The following SEL1L2 variants were observed in gnomAD, a reference collection of about 807,000 sequenced individuals.
SEL1L2 encodes SEL1L2 adaptor subunit of SYVN1 ubiquitin ligase, also known as protein sel-1 homolog 2.
A neutral mutation model predicts 98.8 loss-of-function variants in SEL1L2; 89 were observed. That is an observed-to-expected ratio of 0.90 (90% CI 0.76 to 1.07). The LOEUF is 1.07. Among genes scored for constraint, SEL1L2 ranks in the 50% least tolerant of loss-of-function variants. The pLI is 0.00. For missense variants in SEL1L2, 788 were observed against 812.0 expected (o/e 0.97, Z 0.36); for synonymous variants, 262 against 278.5 (o/e 0.94, Z 0.59).
chr20:13,955,044 T>C (rs1226149390), intron 2 of SEL1L2, among the ~76,000 whole-genome samples: 3 of 152,216 alleles, frequency 2.0e-5, no homozygotes, highest in African/African-American at 4.8e-5. Context: ...TTCCTCCATT[T>C]AGATTTAAGA....
intron 5 of SEL1L2, among the ~76,000 whole-genome samples, chr20:13,898,730 A>G (rs969094772): frequency 4.0e-5 from 6 of 149,726 alleles, no homozygotes; most frequent in Non-Finnish European, 8.9e-5. Flanking sequence ...ATGGCTTCCC[A>G]TTGTTTTTTT....
intron 1 of SEL1L2, among the ~76,000 whole-genome samples, chr20:13,987,085 C>T (rs961671839): frequency 6.0e-5 from 9 of 150,604 alleles, no homozygotes; most frequent in Middle Eastern, 3.4e-3. Context: ...CCCACCTCAG[C>T]CCCCCAAAGT....
In SEL1L2 at chr20:13,850,421, G is replaced by A. The variant is rs149782214; in HGVS notation, c.1819-102C>T. ...ATGTAATTAAGGTTACAGGTCTTAA[G>A]ATAGGGAGATTATCATGGATTATCC... On this transcript the variant is annotated intron_variant, in intron 18 of 19. Coordinates refer to ENST00000284951, the MANE Select transcript of SEL1L2 (RefSeq NM_025229.2). The A allele has an allele frequency of 1.7e-4, 221 of 1,273,480 alleles. No individual in the cohort carries two copies. The African/African-American group carries it at 2.7e-3, about 16-fold the overall frequency. 78.9% of individuals were successfully genotyped at this position (1,273,480 alleles called of 1,614,324 possible). A position where few individuals can be genotyped will look rare whatever the true frequency, so the allele number is the denominator to read the frequency against.
intron 11 of SEL1L2, 139 bp from the exon 12 acceptor site, chr20:13,876,254 TA>T (rs1452447820): frequency 1.4e-5 from 9 of 641,918 alleles, no homozygotes; most frequent in Non-Finnish European, 2.5e-5. Flanking sequence ...CTGAATTGTA[TA>T]AAGTGGTCAA....
At chr20:13,885,675 T>C (rs932951908) in intron 9 of SEL1L2, among the ~76,000 whole-genome samples, 1 of 152,094 alleles carries the variant, frequency 6.6e-6, no homozygotes, top group Non-Finnish European at 1.5e-5. Flanking sequence ...CTCTCAAAGA[T>C]CATGCAAATA....
intron 5 of SEL1L2, among the ~76,000 whole-genome samples, chr20:13,909,362 C>T (rs188882126): frequency 1.3e-4 from 20 of 152,302 alleles, no homozygotes; most frequent in Non-Finnish European, 1.8e-4. Context: ...ATCTCTTTAA[C>T]GAGCTGTTCT....
chr20:13,893,086 C>A (rs1231840196), intron 5 of SEL1L2, among the ~76,000 whole-genome samples: 1 of 152,208 alleles, frequency 6.6e-6, no homozygotes, highest in African/African-American at 2.4e-5. Flanking sequence ...CAACTGAACA[C>A]CTGGAACCAG....
intron 1 of SEL1L2, among the ~76,000 whole-genome samples, chr20:13,982,103 C>G (rs926663195): frequency 1.4e-4 from 21 of 152,292 alleles, no homozygotes; most frequent in African/African-American, 4.8e-4. Flanking sequence ...CCCTTTTCAA[C>G]TGGGATAGAG....
chr20:13,971,871 C>T (rs975373780), intron 1 of SEL1L2, among the ~76,000 whole-genome samples: 13 of 152,114 alleles, frequency 8.5e-5, no homozygotes, highest in African/African-American at 3.1e-4. Context: ...CATTTTAAAA[C>T]CTTCTTTCAG....
intron 5 of SEL1L2, among the ~76,000 whole-genome samples, chr20:13,889,647 T>A (rs901149274): frequency 1.3e-5 from 2 of 151,798 alleles, no homozygotes; most frequent in African/African-American, 4.8e-5. Flanking sequence ...AAAAATTAGC[T>A]GGGCGTGGTA....
intron 3 of SEL1L2, among the ~76,000 whole-genome samples, chr20:13,927,071 T>C (rs539571531): frequency 3.3e-5 from 5 of 152,358 alleles, no homozygotes; most frequent in Admixed American, 1.3e-4. Flanking sequence ...ATGGAAGAAT[T>C]AGTTGTTGAA....
upstream of SEL1L2, among the ~76,000 whole-genome samples, chr20:13,991,144 C>A (rs1240473737): frequency 6.6e-6 from 1 of 152,262 alleles, no homozygotes; most frequent in East Asian, 1.9e-4. Flanking sequence ...AGACATCTCA[C>A]AAGTGGTACC....
intron 2 of SEL1L2, among the ~76,000 whole-genome samples, chr20:13,945,733 T>G (rs1454919900): frequency 6.6e-6 from 1 of 152,082 alleles, no homozygotes; most frequent in Non-Finnish European, 1.5e-5. Flanking sequence ...ATTAAAAAAT[T>G]ATTTACCATG....
chr20:13,918,062 A>G (rs541771359), intron 4 of SEL1L2, among the ~76,000 whole-genome samples: 123 of 152,138 alleles, frequency 8.1e-4, no homozygotes, highest in African/African-American at 2.6e-3. Context: ...AAGAGCTGGG[A>G]TTACAGGTAT....
At chr20:13,926,399 G>T (rs1486270506) in intron 3 of SEL1L2, among the ~76,000 whole-genome samples, 1 of 152,194 alleles carries the variant, frequency 6.6e-6, no homozygotes, top group African/African-American at 2.4e-5. Context: ...ACTGGGCAGA[G>T]GGAGAAACTG....
intron 1 of SEL1L2, among the ~76,000 whole-genome samples, chr20:13,987,686 G>T (rs1222043873): frequency 6.6e-6 from 1 of 152,094 alleles, no homozygotes; most frequent in Non-Finnish European, 1.5e-5. Flanking sequence ...ATCCTAGTGG[G>T]TGTGATGTGA....
chr20:13,882,765 T>C (rs555861521), intron 10 of SEL1L2, among the ~76,000 whole-genome samples: 1 of 152,128 alleles, frequency 6.6e-6, no homozygotes, highest in Non-Finnish European at 1.5e-5. Flanking sequence ...TTGGGACTAT[T>C]TTTTTAAAAA....
chr20:13,985,277 A>G (rs1266236400), intron 1 of SEL1L2, among the ~76,000 whole-genome samples: 2 of 152,304 alleles, frequency 1.3e-5, no homozygotes, highest in East Asian at 1.9e-4. Flanking sequence ...CTCCAGCCTC[A>G]TAAGTTGCTT....
At chr20:13,926,293 C>T (rs999207012) in intron 3 of SEL1L2, among the ~76,000 whole-genome samples, 1 of 151,406 alleles carries the variant, frequency 6.6e-6, no homozygotes, top group African/African-American at 2.4e-5. Context: ...CCAGCCTGGG[C>T]GACAGAGCGA....
Sources: allele counts gnomAD v4.1 joint callset (sites outside exome capture counted in the v4.1 genomes callset), GRCh38; gene constraint gnomAD v4.1.1; transcripts MANE v1.5; gene names NCBI Gene and HGNC (gene_info 2026-07-23, HGNC 2026-07-21).